MAST3: variants seen among roughly 807,000 people sequenced by gnomAD.
MAST3 encodes the protein microtubule associated serine/threonine kinase 3.
Under a neutral mutation model 127.0 loss-of-function variants are expected in MAST3, and 43 were observed. The ratio of observed to expected loss-of-function variants is 0.34; its 90% CI spans 0.27 to 0.44. The LOEUF is 0.44. Ranked by LOEUF, MAST3 falls within the 20% of genes least tolerant of loss-of-function variation. The pLI, the probability that MAST3 is intolerant of heterozygous loss-of-function variation, is 1.00. For missense variants in MAST3, 1,390 were observed against 1,919.1 expected, an observed-to-expected ratio of 0.72 and a Z score of 5.15; for synonymous variants, 785 against 809.2, an observed-to-expected ratio of 0.97 and a Z score of 0.51.
In MAST3 at chr19:18,143,357, C is replaced by T. The variant is rs372364354; in HGVS notation, c.2340-406C>T. Among the ~76,000 whole-genome samples the T allele has an allele frequency of 3.3e-4, 50 of 152,298 alleles. 2 individuals are homozygous for T. Among genetic ancestry groups the T allele is most frequent in the Admixed American group, 1.8e-3 (27 of 15,296 alleles). ...TTGGGACCCCAAGGCAGGCAGGTCACTTGAGCTCAGGAATTCAAGACCAGT... is the reference window on the plus strand; with the variant it reads ...TTGGGACCCCAAGGCAGGCAGGTCATTTGAGCTCAGGAATTCAAGACCAGT... On this transcript the variant is annotated intron_variant, in intron 21 of 27. Coordinates refer to ENST00000687212, the MANE Select transcript of MAST3 (RefSeq NM_001393504.1).
At position 18,122,659 on chromosome 19, in the gene MAST3, GT is replaced by G; in HGVS notation, c.321-12del. On this transcript the variant is annotated splice_polypyrimidine_tract_variant and intron_variant, in intron 5 of 27. Transcript: ENST00000687212. ...CCAGGCCTTCCTTCCATCTGTTCTT[GT>G]TCCCCTCTCCAGGGCAGACGGCAGA... 6.2e-7 allele frequency: 1 copy of G among 1,610,380 alleles called. No homozygotes were observed. The highest frequency in any genetic ancestry group is 8.5e-7 in the Non-Finnish European group (1 of 1,178,160).
At chr19:18,127,434 A>G (rs2040781096) in intron 11 of MAST3, among the ~76,000 whole-genome samples, 2 of 152,120 alleles carry the variant, frequency 1.3e-5, no homozygotes, top group African/African-American at 4.8e-5. Flanking sequence ...CTGTAATCCC[A>G]GCACTTTGGG....
intron 3 of MAST3, among the ~76,000 whole-genome samples, chr19:18,113,992 T>C (rs1030334885): frequency 6.6e-6 from 1 of 152,188 alleles, no homozygotes; most frequent in Non-Finnish European, 1.5e-5. Flanking sequence ...TGGTCCAGCC[T>C]CAGGGCCTTT....
chr19:18,123,479 G>A, intron 7 of MAST3, 101 bp from the exon 8 acceptor site: 1 of 1,477,046 alleles, frequency 6.8e-7, no homozygotes, highest in Non-Finnish European at 9.1e-7. Context: ...CCTGAGCCTA[G>A]CCTCTGATTC....
At chr19:18,117,285 G>A (rs953577967) in intron 3 of MAST3, among the ~76,000 whole-genome samples, 1 of 152,108 alleles carries the variant, frequency 6.6e-6, no homozygotes, top group Non-Finnish European at 1.5e-5. Context: ...CCTTGGAAGC[G>A]CCCCCTTACA....
intron 3 of MAST3, 66 bp from the exon 4 acceptor site, chr19:18,121,619 G>C (rs770623226): frequency 7.4e-7 from 1 of 1,350,680 alleles, no homozygotes; most frequent in Non-Finnish European, 1.1e-6. Context: ...TGTGATTTAG[G>C]CTGGGCAGGT....
Position 18,139,078 on chromosome 19 carries a change from C to A in MAST3, c.2159C>A (p.Ser720Tyr). The change falls in exon 20 of 28, where the codon TCC becomes TAC. Residue 720 changes from serine (S) to tyrosine (Y), a missense_variant. By Grantham distance (144) the Ser-to-Tyr change is moderately radical (BLOSUM62 -2). Around this residue, in one of 5 missense-constraint regions of MAST3, gnomAD observed 816 missense variants for 934.1 expected, o/e 0.87. Transcript: ENST00000687212. ...EDDETNDEES[S>Y]TEIPQFSSCS... ...GACGAGACCAATGATGAAGAATCGTCCACAGAGATCCCCCAGTTCTCCTCC... is the reference window on the plus strand; with the variant it reads ...GACGAGACCAATGATGAAGAATCGTACACAGAGATCCCCCAGTTCTCCTCC... 6.2e-7 allele frequency: 1 copy of A among 1,605,080 alleles called. No individual in the cohort carries two copies. Among genetic ancestry groups the A allele is most frequent in the Admixed American group, 1.7e-5 (1 of 58,912 alleles).
rs1489248733 is a variant in MAST3 at position 18,144,273 on chromosome 19, C to T, written c.2585-193C>T. On this transcript the variant is annotated intron_variant, in intron 22 of 27. Transcript: ENST00000687212. The surrounding 1 kb of genome is among the most constrained non-coding windows in gnomAD (Gnocchi z 4.0). ...TCTAAATGGGTGTGGAGGAAGGCTT[C>T]CTGGAGGAGGGGACTTGAAGACTTT... Among the ~76,000 whole-genome samples, 4 of 152,136 alleles carry T rather than the reference C, an allele frequency of 2.6e-5. No individual in the cohort carries two copies. Among genetic ancestry groups the T allele is most frequent in the Non-Finnish European group, 4.4e-5 (3 of 68,022 alleles).
chr19:18,102,063 G>T (rs1332632465), intron 1 of MAST3, among the ~76,000 whole-genome samples: 1 of 151,084 alleles, frequency 6.6e-6, no homozygotes, highest in Non-Finnish European at 1.5e-5. Context: ...TGTATTTTTA[G>T]CAGAGACGGG....
At chr19:18,103,501 G>GC (rs2037820826) in intron 1 of MAST3, among the ~76,000 whole-genome samples, 1 of 152,020 alleles carries the variant, frequency 6.6e-6, no homozygotes, top group South Asian at 2.1e-4. Flanking sequence ...TCGCACCATT[G>GC]CCCTCCAGCC....
In MAST3 at chr19:18,112,316, C is replaced by T. The variant is rs780934814; in HGVS notation, c.161+1575C>T. Among the ~76,000 whole-genome samples the T allele has an allele frequency of 6.6e-5, 10 of 152,146 alleles. No homozygotes were observed. The highest frequency in any genetic ancestry group is 4.1e-4 in the South Asian group (2 of 4,830). On this transcript the variant is annotated intron_variant, in intron 3 of 27. Coordinates refer to ENST00000687212, the MANE Select transcript of MAST3 (RefSeq NM_001393504.1). This position sits in a 1 kb window ranked among gnomAD's most constrained non-coding sequence, Gnocchi z 4.1. ...AGCGGAGACTACAGGCGTGCCACCACGCCCGGCTAATTTTTTGTTTGTTTG... is the reference window on the plus strand; with the variant it reads ...AGCGGAGACTACAGGCGTGCCACCATGCCCGGCTAATTTTTTGTTTGTTTG...
Position 18,112,293 on chromosome 19 carries a change from C to T in MAST3, c.161+1552C>T, listed in dbSNP as rs1280002066. On this transcript the variant is annotated intron_variant, in intron 3 of 27. Transcript: ENST00000687212. The surrounding 1 kb of genome is among the most constrained non-coding windows in gnomAD (Gnocchi z 4.1). Reference sequence around the variant, plus strand: ...TTCTCCTGTTTCAGGCTCCGAGTAGCGGAGACTACAGGCGTGCCACCACGC... The same window carrying T: ...TTCTCCTGTTTCAGGCTCCGAGTAGTGGAGACTACAGGCGTGCCACCACGC... Among the ~76,000 whole-genome samples the T allele has an allele frequency of 2.0e-5, 3 of 152,140 alleles. No homozygotes were observed. Among genetic ancestry groups the T allele is most frequent in the Non-Finnish European group, 2.9e-5 (2 of 68,030 alleles).
chr19:18,134,223 A>AT (rs71164371), intron 15 of MAST3, among the ~76,000 whole-genome samples: 6,041 of 151,154 alleles, frequency 0.04, 155 homozygotes, highest in Middle Eastern at 0.083. Flanking sequence ...ACACTAAAAA[A>AT]ATATATATAT....
intron 13 of MAST3, 141 bp from the exon 14 acceptor site, chr19:18,130,353 A>C: frequency 1.4e-6 from 1 of 701,716 alleles, no homozygotes; most frequent in South Asian, 1.8e-5. Flanking sequence ...GAGGGGGAAC[A>C]GGTAAGGAGA....
At position 18,128,881 on chromosome 19, in the gene MAST3, G is replaced by A. The variant is rs371554060; in HGVS notation, c.1153G>A (p.Gly385Ser). 4.6e-5 allele frequency: 75 copies of A among 1,613,452 alleles called. No homozygotes were observed. The South Asian group carries it at 5.7e-4, about 12-fold the overall frequency. Residue 385 changes from glycine to serine, a missense_variant, in exon 13 of 28, where the codon GGC (glycine) becomes AGC (serine). Gly to Ser is a moderately conservative substitution (Grantham distance 56, BLOSUM62 0). Transcript: ENST00000687212. ...PESPESRALV[G>S]QSRRKPCESD... ...CATCCCCTAGAGCCGCGCCCTGGTC[G>A]GCCAGTCACGGAGGAAGCCATGCGA...
In MAST3 at chr19:18,143,755, C is replaced by G; in HGVS notation, c.2340-8C>G. ...GGCAGGGGTGATGCAGGCTCTTCCTCCCTGCAGGCTGAGGTCCTGGACATC... is the reference window on the plus strand; with the variant it reads ...GGCAGGGGTGATGCAGGCTCTTCCTGCCTGCAGGCTGAGGTCCTGGACATC... On this transcript the variant is annotated splice_polypyrimidine_tract_variant and splice_region_variant and intron_variant, in intron 21 of 27. Coordinates refer to ENST00000687212, the MANE Select transcript of MAST3 (RefSeq NM_001393504.1). The G allele has an allele frequency of 6.2e-7, 1 of 1,613,224 alleles. No homozygotes were observed. Among genetic ancestry groups the G allele is most frequent in the Non-Finnish European group, 8.5e-7 (1 of 1,179,728 alleles).
chr19:18,133,548 A>AAT (rs2147452509), intron 15 of MAST3, among the ~76,000 whole-genome samples: 1 of 55,870 alleles, frequency 1.8e-5, no homozygotes, highest in Non-Finnish European at 3.4e-5. Flanking sequence ...ACGCCCAGCT[A>AAT]ATTTTTTTTT....
intron 20 of MAST3, among the ~76,000 whole-genome samples, chr19:18,140,993 C>T (rs1469682485): frequency 6.6e-6 from 1 of 151,868 alleles, no homozygotes; most frequent in Non-Finnish European, 1.5e-5. Flanking sequence ...CAGGTTTCAC[C>T]ATGTTGCCCA....
chr19:18,134,130 A>G (rs2041636024), intron 15 of MAST3, among the ~76,000 whole-genome samples: 1 of 151,962 alleles, frequency 6.6e-6, no homozygotes, highest in South Asian at 2.1e-4. Context: ...GCACTTTGGG[A>G]GGCCGAGGCA....
Sources: gnomAD v4.1 joint callset for allele counts (sites outside exome capture counted in the v4.1 genomes callset) on GRCh38, gnomAD v4.1.1 for gene constraint, gnomAD v4.1.1 regional missense constraint, Gnocchi (gnomAD v3.1) non-coding constraint, MANE v1.5 for transcripts, NCBI Gene and HGNC (gene_info 2026-07-23, HGNC 2026-07-21) for gene names.